AKT3: variants seen among roughly 807,000 people sequenced by gnomAD.
AKT3 encodes the protein AKT serine/threonine kinase 3.
Under a neutral mutation model 65.3 loss-of-function variants are expected in AKT3, and 15 were observed. That is an observed-to-expected ratio of 0.23 (90% CI 0.15 to 0.35). The LOEUF (loss-of-function observed/expected upper bound fraction) is 0.35, where lower values mean the gene tolerates loss of function less well. Ranked by LOEUF, AKT3 falls within the 10% of genes least tolerant of loss-of-function variation. The probability of loss-of-function intolerance (pLI) is 1.00; values close to 1 mark genes in which losing one functional copy is unlikely to be tolerated. For missense variants in AKT3, 243 were observed against 576.5 expected, an observed-to-expected ratio of 0.42 and a Z score of 5.92; for synonymous variants, 206 against 183.8, an observed-to-expected ratio of 1.12 and a Z score of -0.98.
chr1:243,511,877 G>A (rs1177961215), intron 13 of AKT3, among the ~76,000 whole-genome samples: 1 of 152,208 alleles, frequency 6.6e-6, no homozygotes, highest in East Asian at 1.9e-4. Flanking sequence ...ATTTAAGAGA[G>A]AGCTAAGTAA....
At chr1:243,819,945 G>T (rs1260216398) in intron 2 of AKT3, among the ~76,000 whole-genome samples, 2 of 145,630 alleles carry the variant, frequency 1.4e-5, no homozygotes, top group African/African-American at 5.2e-5. Context: ...TTGAGATGGG[G>T]TCTTGCTCTG....
At chr1:243,845,714 C>A (rs1358841467) in intron 1 of AKT3, among the ~76,000 whole-genome samples, 4 of 151,264 alleles carry the variant, frequency 2.6e-5, no homozygotes, top group African/African-American at 9.7e-5. Flanking sequence ...TTTTAAAAAT[C>A]CATACATACA....
At chr1:243,571,906 C>T (rs970552384) in intron 9 of AKT3, among the ~76,000 whole-genome samples, 1 of 152,132 alleles carries the variant, frequency 6.6e-6, no homozygotes, top group African/African-American at 2.4e-5. Context: ...TTCCTACATA[C>T]AACATCTTAT....
chr1:243,523,291 ACACACACACACACAC>A (rs1461608793), intron 12 of AKT3, among the ~76,000 whole-genome samples: 1 of 151,414 alleles, frequency 6.6e-6, no homozygotes, highest in African/African-American at 2.4e-5. Context: ...ACACACACAC[ACACACACACACACAC>A]ACCTTTCAGA....
intron 2 of AKT3, among the ~76,000 whole-genome samples, chr1:243,739,904 T>C (rs1688051038): frequency 1.3e-5 from 2 of 152,268 alleles, no homozygotes. Context: ...TTTAGAGCCC[T>C]TTCTGTTACA....
intron 8 of AKT3, among the ~76,000 whole-genome samples, chr1:243,603,681 T>C (rs1243510336): frequency 6.6e-6 from 1 of 152,162 alleles, no homozygotes; most frequent in African/African-American, 2.4e-5. Flanking sequence ...GCTGCCACAC[T>C]AGGTGCCTCA....
chr1:243,815,813 CA>C (rs1434315261), intron 2 of AKT3, among the ~76,000 whole-genome samples: 10 of 46,054 alleles, frequency 2.2e-4, no homozygotes, highest in Non-Finnish European at 4.5e-4. Context: ...GATGAGGTTT[CA>C]CCATCTTGCC....
At chr1:243,747,474 C>A (rs183041667) in intron 2 of AKT3, among the ~76,000 whole-genome samples, 2 of 152,264 alleles carry the variant, frequency 1.3e-5, no homozygotes, top group East Asian at 3.9e-4. Context: ...AGTAAAATTA[C>A]ATTGCCATTG....
intron 10 of AKT3, among the ~76,000 whole-genome samples, chr1:243,556,823 ATCT>A (rs1673439531): frequency 6.6e-6 from 1 of 152,124 alleles, no homozygotes; most frequent in South Asian, 2.1e-4. Context: ...AGACCTATAA[ATCT>A]TCTCATTCAG....
chr1:243,838,704 T>G (rs1350660658), intron 2 of AKT3, among the ~76,000 whole-genome samples: 2 of 152,198 alleles, frequency 1.3e-5, no homozygotes, highest in Non-Finnish European at 2.9e-5. Context: ...AGACAACTCA[T>G]AGACACAAAA....
At chr1:243,755,080 T>G (rs73128276) in intron 2 of AKT3, among the ~76,000 whole-genome samples, 1 of 152,054 alleles carries the variant, frequency 6.6e-6, no homozygotes, top group Non-Finnish European at 1.5e-5. Flanking sequence ...TATTATTGGT[T>G]TTTTTGGAGA....
At chr1:243,812,293 C>T (rs1256751982) in intron 2 of AKT3, among the ~76,000 whole-genome samples, 1 of 152,078 alleles carries the variant, frequency 6.6e-6, no homozygotes, top group Admixed American at 6.6e-5. Context: ...GGTTAATATC[C>T]AGAATCTACA....
intron 3 of AKT3, among the ~76,000 whole-genome samples, chr1:243,683,361 T>C (rs973820754): frequency 3.9e-5 from 6 of 152,136 alleles, no homozygotes; most frequent in African/African-American, 1.4e-4. Context: ...TTCCTAAATA[T>C]TCATTACAAT....
intron 11 of AKT3, among the ~76,000 whole-genome samples, chr1:243,549,096 C>T (rs1444595766): frequency 6.6e-6 from 1 of 152,164 alleles, no homozygotes; most frequent in African/African-American, 2.4e-5. Context: ...GCTCTAGCTA[C>T]CTCCTAGATA....
intron 8 of AKT3, among the ~76,000 whole-genome samples, chr1:243,587,188 G>A (rs1675873488): frequency 6.6e-6 from 1 of 152,152 alleles, no homozygotes. Context: ...GTGAAAGTGA[G>A]GTGAGATAAG....
chr1:243,630,529 C>A (rs912759860), intron 6 of AKT3, among the ~76,000 whole-genome samples: 1 of 152,190 alleles, frequency 6.6e-6, no homozygotes, highest in Non-Finnish European at 1.5e-5. Context: ...AAGGGAAATT[C>A]GATTTCAAGG....
intron 2 of AKT3, among the ~76,000 whole-genome samples, chr1:243,725,889 T>C (rs995874190): frequency 6.6e-6 from 1 of 152,124 alleles, no homozygotes; most frequent in African/African-American, 2.4e-5. Context: ...ATTTTCAAAG[T>C]AATAGCTAAA....
intron 2 of AKT3, among the ~76,000 whole-genome samples, chr1:243,765,540 G>A (rs555957552): frequency 3.3e-5 from 5 of 152,118 alleles, no homozygotes; most frequent in East Asian, 1.9e-4. Flanking sequence ...ACATTCTAGC[G>A]GGATTGAAAG....
At chr1:243,583,354 A>G (rs557719191) in intron 8 of AKT3, among the ~76,000 whole-genome samples, 96 of 150,982 alleles carry the variant, frequency 6.4e-4, no homozygotes, top group African/African-American at 2.2e-3. Context: ...ACACCCTACT[A>G]GCATGAGTGA....
Sources: gnomAD v4.1 joint callset for allele counts (sites outside exome capture counted in the v4.1 genomes callset) on GRCh38, gnomAD v4.1.1 for gene constraint, MANE v1.5 for transcripts, NCBI Gene and HGNC (gene_info 2026-07-23, HGNC 2026-07-21) for gene names.